NFATC3: variants seen among roughly 807,000 people sequenced by gnomAD.
The protein encoded by NFATC3 is nuclear factor of activated T-cells, cytoplasmic 3.
In NFATC3, 46 loss-of-function variants were observed where a neutral mutation model predicts 98.6. The observed-to-expected ratio is 0.47, with a 90% CI of 0.37 to 0.60. NFATC3 has a LOEUF of 0.60. Among genes scored for constraint, NFATC3 ranks in the 20% least tolerant of loss-of-function variants. NFATC3 has a pLI of 0.00. For missense variants in NFATC3, 1,256 were observed against 1,295.5 expected (o/e 0.97, Z 0.47); for synonymous variants, 512 against 472.2 (o/e 1.08, Z -1.09).
intron 1 of NFATC3, among the ~76,000 whole-genome samples, chr16:68,121,290 A>G (rs1205122607): frequency 7.9e-6 from 1 of 126,816 alleles, no homozygotes; most frequent in African/African-American, 3.1e-5. Flanking sequence ...TGTGTCACCC[A>G]GGCTGGAGTA....
chr16:68,145,090 C>T (rs1402478754), intron 3 of NFATC3, among the ~76,000 whole-genome samples: 2 of 152,078 alleles, frequency 1.3e-5, no homozygotes, highest in Non-Finnish European at 2.9e-5. Flanking sequence ...ACAAGCTTGA[C>T]CCACTATGCC....
intron 2 of NFATC3, among the ~76,000 whole-genome samples, chr16:68,124,301 G>C (rs2036714963): frequency 6.6e-6 from 1 of 151,990 alleles, no homozygotes; most frequent in Admixed American, 6.6e-5. Context: ...TTTTGGTAGA[G>C]ATGGGGTCTT....
chr16:68,191,458 C>T lies in NFATC3; in HGVS notation c.2789C>T (p.Ala930Val), dbSNP rs1386667612. ...TCTGCTACAACAGCTTCCCCAGCAG[C>T]TTCTCATCCCTTGGCTAGTTCACCG... ...SGSATTASPA[A>V]SHPLASSPLS... is the part of the protein sequence containing the mutation. The change falls in exon 9 of 10, where the codon GCT becomes GTT. Residue 930 changes from alanine to valine, a missense_variant. Ala to Val is a moderately conservative substitution (Grantham distance 64). Transcript: ENST00000346183. 6.2e-7 allele frequency: 1 copy of T among 1,614,142 alleles called. No individual in the cohort carries two copies. The highest frequency in any genetic ancestry group is 1.3e-5 in the African/African-American group (1 of 75,034).
At position 68,182,083 on chromosome 16, in the gene NFATC3, C is replaced by T. The variant is rs116207618; in HGVS notation, c.1971+553C>T. On this transcript the variant is annotated intron_variant, in intron 7 of 9. Coordinates refer to ENST00000346183, the MANE Select transcript of NFATC3 (RefSeq NM_173165.3). ...AGAAATGAAAGATCATCAGAAGGTTCTTATTGAAATTATCATTAATTTCTC... is the reference window on the plus strand; with the variant it reads ...AGAAATGAAAGATCATCAGAAGGTTTTTATTGAAATTATCATTAATTTCTC... 3.7e-3 allele frequency among the ~76,000 whole-genome samples: 561 copies of T among 152,136 alleles called. 6 individuals are homozygous for T. Among genetic ancestry groups the T allele is most frequent in the African/African-American group, 0.012 (513 of 41,510 alleles).
At chr16:68,106,001 C>G (rs2035633945) in intron 1 of NFATC3, among the ~76,000 whole-genome samples, 1 of 152,030 alleles carries the variant, frequency 6.6e-6, no homozygotes, top group Non-Finnish European at 1.5e-5. Context: ...GCCTCAGCCT[C>G]CCTAGTAGCT....
chr16:68,226,761 C>A lies in NFATC3; in HGVS notation c.*290C>A. On this transcript the variant is annotated 3_prime_UTR_variant, in exon 10 of 10. Coordinates refer to ENST00000346183, the MANE Select transcript of NFATC3 (RefSeq NM_173165.3). ...TGAATGCAGCAGGCTCTCTTGTTTC[C>A]GAGGTGCTGCTTTTGCAGGTGACCT... is the stretch of plus-strand genomic sequence containing the variant. The A allele has an allele frequency of 4.5e-6, 1 of 222,582 alleles. No homozygotes were observed. Among genetic ancestry groups the A allele is most frequent in the Non-Finnish European group, 8.7e-6 (1 of 114,480 alleles). 13.8% of individuals were successfully genotyped at this position (222,582 alleles called of 1,614,324 possible). A position where few individuals can be genotyped will look rare whatever the true frequency, so the allele number is the denominator to read the frequency against.
chr16:68,199,182 C>G (rs1000938661), intron 9 of NFATC3, among the ~76,000 whole-genome samples: 17 of 152,066 alleles, frequency 1.1e-4, no homozygotes, highest in African/African-American at 4.1e-4. Context: ...CGCCACTGCA[C>G]TGCAGCGTGG....
intron 1 of NFATC3, among the ~76,000 whole-genome samples, chr16:68,108,140 C>A (rs1433851788): frequency 6.6e-6 from 1 of 152,138 alleles, no homozygotes; most frequent in Non-Finnish European, 1.5e-5. Flanking sequence ...ATCAAGAAAT[C>A]TTTGCCCATG....
intron 9 of NFATC3, chr16:68,214,401 C>T (rs2041548672): frequency 6.2e-7 from 1 of 1,614,178 alleles, no homozygotes; most frequent in South Asian, 1.1e-5. Flanking sequence ...AGTGTGCTCT[C>T]ATGTCCAGCT....
At chr16:68,107,630 G>A (rs1262696387) in intron 1 of NFATC3, among the ~76,000 whole-genome samples, 1 of 152,120 alleles carries the variant, frequency 6.6e-6, no homozygotes. Context: ...GGCTGAGACA[G>A]GAGAATCACT....
chr16:68,139,088 C>A (rs2037609667), intron 3 of NFATC3, among the ~76,000 whole-genome samples: 1 of 152,164 alleles, frequency 6.6e-6, no homozygotes, highest in Admixed American at 6.5e-5. Flanking sequence ...CTCCAGTCCT[C>A]AAGGGCCTTT....
rs1190160529 is a variant in NFATC3, at chr16:68,112,744, C to T, written c.104-9243C>T. ...CGCAATCTCGGCTCACTGCAAGCTC[C>T]GCTTCCTGGGTTCACGCCATTCTCC... On this transcript the variant is annotated intron_variant, in intron 1 of 9. Coordinates refer to ENST00000346183, the MANE Select transcript of NFATC3 (RefSeq NM_173165.3). 7.3e-5 allele frequency among the ~76,000 whole-genome samples: 11 copies of T among 150,098 alleles called. No homozygotes were observed. The East Asian group carries it at 1.2e-3, about 16-fold the overall frequency.
chr16:68,153,379 G>A (rs1054961921), intron 3 of NFATC3, among the ~76,000 whole-genome samples: 4 of 152,170 alleles, frequency 2.6e-5, no homozygotes, highest in Admixed American at 2.0e-4. Flanking sequence ...CCAGGATTGC[G>A]CCATTGCACT....
rs539913071 is a variant in NFATC3 at position 68,183,163 on chromosome 16, C to T, written c.1972-77C>T. On this transcript the variant is annotated intron_variant, in intron 7 of 9. Transcript: ENST00000346183. ...ATGCTGGAGCCTTGTAGTTAAGACTCATGAGTTGTGATGTGTTTAACAGGT... is the reference window on the plus strand; with the variant it reads ...ATGCTGGAGCCTTGTAGTTAAGACTTATGAGTTGTGATGTGTTTAACAGGT... The T allele has an allele frequency of 1.2e-5, 18 of 1,451,442 alleles. No individual in the cohort carries two copies. The Admixed American group carries it at 4.1e-4, about 33-fold the overall frequency. 89.9% of individuals were successfully genotyped at this position (1,451,442 alleles called of 1,614,324 possible). A position where few individuals can be genotyped will look rare whatever the true frequency, so the allele number is the denominator to read the frequency against.
chr16:68,096,777 G>C (rs928923897), intron 1 of NFATC3, among the ~76,000 whole-genome samples: 7 of 152,318 alleles, frequency 4.6e-5, no homozygotes, highest in African/African-American at 1.4e-4. Flanking sequence ...TAAAGAGCAT[G>C]GTCCTTTAAT....
intron 5 of NFATC3, 30 bp from the exon 6 acceptor site, chr16:68,174,344 T>A: frequency 7.3e-7 from 1 of 1,375,996 alleles, no homozygotes; most frequent in South Asian, 2.1e-5. Flanking sequence ...ATTTTGTTTT[T>A]TCTCAACTCT....
Position 68,122,818 on chromosome 16 carries a change from A to G in NFATC3, c.935A>G (p.Asn312Ser), listed in dbSNP as rs754817274. 47 of 1,614,098 alleles carry G rather than the reference A, an allele frequency of 2.9e-5. 1 individual carries two copies. The highest frequency in any genetic ancestry group is 6.7e-5 in the African/African-American group (5 of 74,936). Residue 312 changes from asparagine to serine, a missense_variant, in exon 2 of 10, where the codon AAT becomes AGT. Asn to Ser is a conservative substitution (Grantham distance 46). Around this residue, in one of 3 missense-constraint regions of NFATC3, gnomAD observed 464 missense variants for 465.7 expected, o/e 1.00. Transcript: ENST00000346183. ...RGSVTEDTWL[N>S]ASVHGGSGLG... ...AGTGTGACAGAAGATACGTGGCTCA[A>G]TGCTTCTGTCCATGGTGGGTCAGGC...
intron 1 of NFATC3, among the ~76,000 whole-genome samples, chr16:68,104,811 C>G (rs959690378): frequency 4.0e-5 from 6 of 151,628 alleles, no homozygotes; most frequent in African/African-American, 1.5e-4. Flanking sequence ...CCCACCACCA[C>G]GCTCAGCTAA....
intron 1 of NFATC3, among the ~76,000 whole-genome samples, chr16:68,095,826 G>A (rs2034991811): frequency 6.6e-6 from 1 of 152,190 alleles, no homozygotes; most frequent in East Asian, 1.9e-4. Context: ...TGGGGTTGGT[G>A]TCTTGATGGG....
Sources: allele counts gnomAD v4.1 joint callset (sites outside exome capture counted in the v4.1 genomes callset), GRCh38; gene constraint gnomAD v4.1.1; regional missense constraint gnomAD v4.1.1; transcripts MANE v1.5; gene names NCBI Gene and HGNC (gene_info 2026-07-23, HGNC 2026-07-21).